Variants in RBPJ observed in about 807,000 individuals in gnomAD.
RBPJ encodes the protein recombining binding protein suppressor of hairless.
RBPJ carries 9 observed loss-of-function variants against 67.8 expected under a neutral mutation model. The ratio of observed to expected loss-of-function variants is 0.13; its 90% CI spans 0.08 to 0.23. The LOEUF (loss-of-function observed/expected upper bound fraction) is 0.23, where lower values mean the gene tolerates loss of function less well. RBPJ is among the 10% of genes least tolerant of loss of function. RBPJ has a pLI of 1.00. For missense variants in RBPJ, 305 were observed against 595.6 expected (o/e 0.51, Z 5.08); for synonymous variants, 198 against 203.3 (o/e 0.97, Z 0.22).
At chr4:26,408,994 T>C (rs1205690923) in intron 3 of RBPJ, among the ~76,000 whole-genome samples, 1 of 152,232 alleles carries the variant, frequency 6.6e-6, no homozygotes, top group Admixed American at 6.5e-5. Flanking sequence ...TGAATAGATG[T>C]GTGTTTATCA....
chr4:26,283,469 C>T (rs1353453663), intron 1 of RBPJ, among the ~76,000 whole-genome samples: 3 of 150,772 alleles, frequency 2.0e-5, no homozygotes, highest in African/African-American at 4.8e-5. Context: ...CACTTGAACC[C>T]GGGAGGCGGA....
chr4:26,412,122 A>C lies in RBPJ; in HGVS notation c.156-3353A>C, dbSNP rs575155774. On this transcript the variant is annotated intron_variant, in intron 3 of 10. Transcript: ENST00000355476. The stretch of plus-strand genomic sequence containing the variant: ...AGAGCAAGACTCCGTCTCAAAAAAA[A>C]AAAAAAAAAGTACCATTTATGATAA... Among the ~76,000 whole-genome samples the C allele has an allele frequency of 6.6e-5, 10 of 152,006 alleles. 1 individual carries two copies. In the East Asian group the frequency reaches 1.9e-3, roughly 29 times the overall value.
At chr4:26,169,702 C>G (rs1716487655) in intron 1 of RBPJ, among the ~76,000 whole-genome samples, 1 of 152,218 alleles carries the variant, frequency 6.6e-6, no homozygotes, top group South Asian at 2.1e-4. Context: ...GCAGGCAGGC[C>G]TCCTTGAGCT....
chr4:26,281,348 G>A (rs959985463), intron 1 of RBPJ, among the ~76,000 whole-genome samples: 6 of 151,908 alleles, frequency 3.9e-5, no homozygotes, highest in African/African-American at 1.5e-4. Context: ...GCGTAAACTC[G>A]GCTCACTGCA....
Position 26,382,764 on chromosome 4 carries a change from C to G in RBPJ, c.21-3589C>G, listed in dbSNP as rs189380411. The stretch of plus-strand genomic sequence containing the variant: ...CTATGTTATCCAGGCTGGTCTTGAA[C>G]TCCTGTGCTCACGCAGTCCACCCAC... On this transcript the variant is annotated intron_variant, in intron 1 of 10. Coordinates refer to ENST00000355476, the MANE Select transcript of RBPJ (RefSeq NM_015874.6). 7.9e-5 allele frequency among the ~76,000 whole-genome samples: 12 copies of G among 152,330 alleles called. No homozygotes were observed. In the East Asian group the frequency reaches 2.3e-3, roughly 29 times the overall value.
At chr4:26,282,341 A>G (rs927518490) in intron 1 of RBPJ, among the ~76,000 whole-genome samples, 12 of 152,124 alleles carry the variant, frequency 7.9e-5, no homozygotes, top group African/African-American at 2.9e-4. Flanking sequence ...CTATTCTTGA[A>G]TCTTAATTTC....
chr4:26,325,483 G>A lies in RBPJ; in HGVS notation c.20+4435G>A, dbSNP rs147865656. ...GAACTGGGTTCCAATTCTGTCTCTG[G>A]CACTTAAAACCCCTGCCAGTTAAAA... On this transcript the variant is annotated intron_variant, in intron 1 of 10. Coordinates refer to ENST00000355476, the MANE Select transcript of RBPJ (RefSeq NM_015874.6). Among the ~76,000 whole-genome samples, 213 of 152,232 alleles carry A rather than the reference G, an allele frequency of 1.4e-3. 2 individuals carry two copies. The highest frequency in any genetic ancestry group is 1.0e-3 in the Non-Finnish European group (71 of 68,016).
chr4:26,171,411 G>A (rs906966293), intron 1 of RBPJ, among the ~76,000 whole-genome samples: 3 of 152,058 alleles, frequency 2.0e-5, no homozygotes, highest in South Asian at 2.1e-4. Context: ...ATAAAAAAAA[G>A]TCTCAAATTA....
At chr4:26,400,006 C>T (rs1732602884) in intron 2 of RBPJ, among the ~76,000 whole-genome samples, 1 of 152,108 alleles carries the variant, frequency 6.6e-6, no homozygotes, top group Non-Finnish European at 1.5e-5. Flanking sequence ...TGTAAGAAAT[C>T]ATTAAATGAA....
chr4:26,401,906 G>A (rs922687510), intron 2 of RBPJ, among the ~76,000 whole-genome samples: 1 of 41,664 alleles, frequency 2.4e-5, no homozygotes, highest in Non-Finnish European at 4.8e-5. Context: ...TTTTTTTTTT[G>A]AGAGGGAGTT....
intron 1 of RBPJ, among the ~76,000 whole-genome samples, chr4:26,253,429 A>G (rs1164248304): frequency 6.9e-6 from 1 of 144,392 alleles, no homozygotes; most frequent in Non-Finnish European, 1.5e-5. Context: ...CTCCTAGCTC[A>G]GCCTCCCGAG....
chr4:26,290,047 A>G (rs1237808597), intron 1 of RBPJ, among the ~76,000 whole-genome samples: 2 of 150,464 alleles, frequency 1.3e-5, no homozygotes, highest in African/African-American at 4.9e-5. Context: ...TAAATAAGTT[A>G]GGCTGGGCAT....
intron 1 of RBPJ, among the ~76,000 whole-genome samples, chr4:26,228,778 A>G (rs1719170506): frequency 6.6e-6 from 1 of 152,232 alleles, no homozygotes; most frequent in African/African-American, 2.4e-5. Context: ...CTGGATCTCT[A>G]TAAATCGTTT....
At chr4:26,266,587 G>T (rs915818628) in intron 1 of RBPJ, among the ~76,000 whole-genome samples, 2 of 152,108 alleles carry the variant, frequency 1.3e-5, no homozygotes, top group Admixed American at 1.3e-4. Flanking sequence ...TTACATGGGG[G>T]TGTTATGACC....
chr4:26,311,561 G>C (rs1722428500), intron 1 of RBPJ, among the ~76,000 whole-genome samples: 1 of 151,404 alleles, frequency 6.6e-6, no homozygotes, highest in Admixed American at 6.6e-5. Flanking sequence ...AAGTGTCACT[G>C]TGTTTAAACC....
In RBPJ at chr4:26,430,333, A is replaced by G. The variant is rs1736092629; in HGVS notation, c.1045-86A>G. ...TAATTGCCCTTTTTTAAAAAAAACA[A>G]ATGAAAGTTGAATGAGAATCTAATT... On this transcript the variant is annotated intron_variant, in intron 9 of 10. Coordinates refer to ENST00000355476, the MANE Select transcript of RBPJ (RefSeq NM_015874.6). The surrounding 1 kb of genome is among the most constrained non-coding windows in gnomAD (Gnocchi z 4.1). 8 of 1,184,196 alleles carry G rather than the reference A, an allele frequency of 6.8e-6. No individual in the cohort carries two copies. Among genetic ancestry groups the G allele is most frequent in the Non-Finnish European group, 9.9e-6 (8 of 810,108 alleles). The allele number at this position is 1,184,196 out of a possible 1,614,324, so 73.4% of individuals were successfully genotyped here.
the RBPJ span, among the ~76,000 whole-genome samples, chr4:26,115,946 T>TA: frequency 0.3 from 44,301 of 149,332 alleles, 6,854 homozygotes; most frequent in African/African-American, 0.35. Flanking sequence ...GGTGGTATGT[T>TA]AAAAAAAAAA....
chr4:26,389,702 T>C (rs1001972286), intron 2 of RBPJ, among the ~76,000 whole-genome samples: 12 of 151,930 alleles, frequency 7.9e-5, no homozygotes, highest in African/African-American at 2.4e-4. Context: ...TATTCAACTT[T>C]TGAAGAAATG....
intron 1 of RBPJ, among the ~76,000 whole-genome samples, chr4:26,366,065 T>C (rs1366805755): frequency 6.6e-6 from 1 of 152,136 alleles, no homozygotes; most frequent in African/African-American, 2.4e-5. Context: ...AAGAACAAAA[T>C]AGAAAATATT....
Sources: allele counts gnomAD v4.1 joint callset (sites outside exome capture counted in the v4.1 genomes callset), GRCh38; gene constraint gnomAD v4.1.1; non-coding constraint Gnocchi (gnomAD v3.1); transcripts MANE v1.5; gene names NCBI Gene and HGNC (gene_info 2026-07-23, HGNC 2026-07-21).